The following HECTD2 variants were observed in gnomAD, a reference collection of about 807,000 sequenced individuals.
HECTD2 encodes HECT domain E3 ubiquitin protein ligase 2, also known as probable E3 ubiquitin-protein ligase HECTD2.
In HECTD2, 35 loss-of-function variants were observed where a neutral mutation model predicts 103.2. That is an observed-to-expected ratio of 0.34 (90% confidence interval 0.26 to 0.45). The LOEUF (loss-of-function observed/expected upper bound fraction) is 0.45, where lower values mean the gene tolerates loss of function less well. HECTD2 is among the 20% of genes least tolerant of loss of function. HECTD2 has a pLI of 1.00. For missense variants in HECTD2, 596 were observed against 937.4 expected (o/e 0.64, Z 4.76); for synonymous variants, 281 against 329.9 (o/e 0.85, Z 1.61).
chr10:91,427,308 C>T (rs1843610815), intron 2 of HECTD2, among the ~76,000 whole-genome samples: 1 of 151,954 alleles, frequency 6.6e-6, no homozygotes, highest in African/African-American at 2.4e-5. Context: ...CCGCAGTAAA[C>T]ATACGTGTGC....
At chr10:91,416,716 C>T (rs1183273447) in intron 1 of HECTD2, among the ~76,000 whole-genome samples, 1 of 152,162 alleles carries the variant, frequency 6.6e-6, no homozygotes, top group Non-Finnish European at 1.5e-5. Flanking sequence ...GCCAGCCAGC[C>T]CTTTCTCCTC....
chr10:91,451,281 G>A (rs899945013), intron 2 of HECTD2, among the ~76,000 whole-genome samples: 13 of 151,894 alleles, frequency 8.6e-5, no homozygotes, highest in Admixed American at 3.9e-4. Context: ...ACAGAAAACC[G>A]AACACCACAT....
chr10:91,500,473 T>G (rs748515065), intron 18 of HECTD2, 29 bp from the exon 19 acceptor site: 1 of 1,061,622 alleles, frequency 9.4e-7, no homozygotes, highest in Admixed American at 1.7e-5. Context: ...ACTCTTTAAT[T>G]ATTGTTTTTG....
At chr10:91,430,524 G>A (rs1843808152) in intron 2 of HECTD2, among the ~76,000 whole-genome samples, 1 of 152,158 alleles carries the variant, frequency 6.6e-6, no homozygotes. Context: ...AAGTCTCTTT[G>A]TAGGTCACTC....
chr10:91,452,148 T>C (rs1844861154), intron 2 of HECTD2, among the ~76,000 whole-genome samples: 2 of 152,022 alleles, frequency 1.3e-5, no homozygotes, highest in African/African-American at 4.8e-5. Context: ...TCAGATACTA[T>C]AACAAAAGGT....
chr10:91,505,804 A>C (rs1199198211), intron 20 of HECTD2, among the ~76,000 whole-genome samples: 1 of 152,194 alleles, frequency 6.6e-6, no homozygotes, highest in Admixed American at 6.5e-5. Context: ...CTCCACCCCA[A>C]ATCAACAGAA....
chr10:91,498,817 C>T, intron 16 of HECTD2, 55 bp from the exon 17 acceptor site: 1 of 1,077,294 alleles, frequency 9.3e-7, no homozygotes, highest in Middle Eastern at 3.0e-4. Context: ...ACCTGTTCAC[C>T]AAAGTATGTT....
chr10:91,498,725 A>G, intron 16 of HECTD2, 147 bp from the exon 17 acceptor site: 1 of 593,890 alleles, frequency 1.7e-6, no homozygotes, highest in Non-Finnish European at 3.0e-6. Context: ...CGTTCTTAAT[A>G]CAAATATTGC....
chr10:91,466,753 C>T (rs1460341852), intron 5 of HECTD2, among the ~76,000 whole-genome samples: 1 of 152,116 alleles, frequency 6.6e-6, no homozygotes, highest in African/African-American at 2.4e-5. Flanking sequence ...CAAAAATGTC[C>T]TTCCATAGGT....
intron 20 of HECTD2, among the ~76,000 whole-genome samples, chr10:91,504,157 T>TA (rs1847039781): frequency 6.6e-6 from 1 of 151,838 alleles, no homozygotes. Context: ...CAAAAGTAGA[T>TA]AAAACCACAA....
At chr10:91,445,576 G>A (rs1237505919) in intron 2 of HECTD2, among the ~76,000 whole-genome samples, 2 of 152,138 alleles carry the variant, frequency 1.3e-5, no homozygotes, top group Non-Finnish European at 2.9e-5. Context: ...TACAATGAAA[G>A]AAGAGGGAGT....
rs190036313 is a variant in HECTD2 at position 91,513,449 on chromosome 10, G to A, written c.*1065G>A. 5 of 152,534 alleles carry A rather than the reference G, an allele frequency of 3.3e-5. No individual in the cohort carries two copies. The East Asian group carries it at 5.8e-4, about 18-fold the overall frequency. 9.4% of individuals were successfully genotyped at this position (152,534 alleles called of 1,614,324 possible). ...GCTTAGTATAAAAATAAAATTCAACGTTTTGGCCAAAATGTTTGTTTTTCA... is the reference window on the plus strand; with the variant it reads ...GCTTAGTATAAAAATAAAATTCAACATTTTGGCCAAAATGTTTGTTTTTCA... On this transcript the variant is annotated 3_prime_UTR_variant, in exon 21 of 21. Transcript: ENST00000298068.
chr10:91,471,539 GTTA>G (rs1209142836), intron 5 of HECTD2, among the ~76,000 whole-genome samples: 1 of 152,078 alleles, frequency 6.6e-6, no homozygotes, highest in Non-Finnish European at 1.5e-5. Context: ...CTTTGCAGAT[GTTA>G]TTATTCTATA....
intron 5 of HECTD2, among the ~76,000 whole-genome samples, chr10:91,467,881 C>T (rs1369951156): frequency 3.3e-5 from 5 of 151,414 alleles, no homozygotes; most frequent in Non-Finnish European, 7.4e-5. Context: ...AGCAACTAGC[C>T]CCCCCACCAT....
intron 3 of HECTD2, 41 bp downstream of exon 3, chr10:91,460,606 A>T (rs746434702): frequency 6.5e-7 from 1 of 1,549,184 alleles, no homozygotes; most frequent in South Asian, 1.2e-5. Context: ...AGTCATCTGC[A>T]TGTCAGCACT....
chr10:91,463,601 A>G (rs1845431829), intron 5 of HECTD2: 1 of 152,198 alleles, frequency 6.6e-6, no homozygotes, highest in African/African-American at 2.4e-5. Flanking sequence ...TTATATGGAT[A>G]TATGTATGTG....
Position 91,431,668 on chromosome 10 carries a change from G to C in HECTD2, c.268+6258G>C, listed in dbSNP as rs547964192. On this transcript the variant is annotated intron_variant, in intron 2 of 20. Coordinates refer to ENST00000298068, the MANE Select transcript of HECTD2 (RefSeq NM_182765.6). ...CTGATACCCTTTCTTCCAGTTGATCGCATCGGCTCCTGAGGCTTCTGCATT... is the reference window on the plus strand; with the variant it reads ...CTGATACCCTTTCTTCCAGTTGATCCCATCGGCTCCTGAGGCTTCTGCATT... Among the ~76,000 whole-genome samples, 458 of 151,804 alleles carry C rather than the reference G, an allele frequency of 3.0e-3. 1 individual carries two copies. The highest frequency in any genetic ancestry group is 4.9e-3 in the Admixed American group (75 of 15,238).
chr10:91,460,844 C>G (rs17106676), intron 3 of HECTD2, among the ~76,000 whole-genome samples: 1,712 of 152,196 alleles, frequency 0.011, 37 homozygotes, highest in African/African-American at 0.039. Context: ...AAATAATAGA[C>G]TGTTACCATT....
chr10:91,499,884 G>A (rs1269747821), intron 18 of HECTD2, among the ~76,000 whole-genome samples: 1 of 152,160 alleles, frequency 6.6e-6, no homozygotes, highest in Non-Finnish European at 1.5e-5. Context: ...GCTTGTTTTA[G>A]AGAAACCTTT....
Sources: gnomAD v4.1 joint callset for allele counts (sites outside exome capture counted in the v4.1 genomes callset) on GRCh38, gnomAD v4.1.1 for gene constraint, MANE v1.5 for transcripts, NCBI Gene and HGNC (gene_info 2026-07-23, HGNC 2026-07-21) for gene names.